TAFA2: variants seen among roughly 807,000 people sequenced by gnomAD.
TAFA2 encodes TAFA chemokine like family member 2.
Under a neutral mutation model 18.8 loss-of-function variants are expected in TAFA2, and 7 were observed. The ratio of observed to expected loss-of-function variants is 0.37; its 90% CI spans 0.21 to 0.70. The LOEUF is 0.70. Ranked by LOEUF, TAFA2 falls within the 30% of genes least tolerant of loss-of-function variation. The pLI, the probability that TAFA2 is intolerant of heterozygous loss-of-function variation, is 0.53. For missense variants in TAFA2, 122 were observed against 158.1 expected, an observed-to-expected ratio of 0.77 and a Z score of 1.23; for synonymous variants, 60 against 54.2, an observed-to-expected ratio of 1.11 and a Z score of -0.47.
At chr12:61,917,019 A>T (rs576130106) in intron 1 of TAFA2, among the ~76,000 whole-genome samples, 2 of 152,276 alleles carry the variant, frequency 1.3e-5, no homozygotes, top group South Asian at 4.1e-4. Flanking sequence ...GTAAGAACTC[A>T]TACACGGTAA....
At chr12:62,210,759 G>A (rs1301621508) in intron 1 of TAFA2, among the ~76,000 whole-genome samples, 1 of 152,082 alleles carries the variant, frequency 6.6e-6, no homozygotes, top group East Asian at 1.9e-4. Context: ...CAAAATGCTA[G>A]AAACAATCGA....
At chr12:62,085,587 G>C (rs1172922487) in intron 1 of TAFA2, among the ~76,000 whole-genome samples, 1 of 152,068 alleles carries the variant, frequency 6.6e-6, no homozygotes, top group South Asian at 2.1e-4. Flanking sequence ...ATTTTACTAT[G>C]TGCCAATCCC....
chr12:62,150,276 T>C (rs2062318388), intron 1 of TAFA2, among the ~76,000 whole-genome samples: 1 of 152,242 alleles, frequency 6.6e-6, no homozygotes, highest in African/African-American at 2.4e-5. Flanking sequence ...TTTCATGATC[T>C]TTCTGTATAT....
chr12:61,874,647 T>C (rs1874765367), intron 1 of TAFA2, among the ~76,000 whole-genome samples: 1 of 152,150 alleles, frequency 6.6e-6, no homozygotes, highest in Admixed American at 6.5e-5. Context: ...CAGATTGAAA[T>C]GATATGGAAT....
intron 1 of TAFA2, among the ~76,000 whole-genome samples, chr12:62,251,573 G>T (rs1211391494): frequency 1.3e-5 from 2 of 152,158 alleles, no homozygotes. Context: ...AAAATAGCCT[G>T]TAAAGAAGTG....
chr12:62,102,527 T>C (rs1869256029), intron 1 of TAFA2, among the ~76,000 whole-genome samples: 1 of 152,196 alleles, frequency 6.6e-6, no homozygotes, highest in South Asian at 2.1e-4. Flanking sequence ...CATAGCAACA[T>C]AGAAATCTTT....
In TAFA2 at chr12:62,216,732, G is replaced by A. The variant is rs148508910; in HGVS notation, c.-130+42031C>T. ...TTGAATTCACTTGAAACAGATAGGT[G>A]TATATGTTTACAGTCTTACCCAAAG... On this transcript the variant is annotated intron_variant, in intron 1 of 5. Coordinates refer to the TAFA2 transcript ENST00000551619. 4.3e-3 allele frequency among the ~76,000 whole-genome samples: 661 copies of A among 152,344 alleles called. 3 individuals carry two copies. Among genetic ancestry groups the A allele is most frequent in the Admixed American group, 8.0e-3 (122 of 15,312 alleles).
intron 1 of TAFA2, among the ~76,000 whole-genome samples, chr12:62,112,690 C>A (rs1318177304): frequency 1.3e-5 from 2 of 151,930 alleles, no homozygotes; most frequent in Admixed American, 1.3e-4. Flanking sequence ...CCTTTTCATT[C>A]TTTTTTCTCT....
chr12:62,245,686 A>G (rs2062881870), intron 1 of TAFA2, among the ~76,000 whole-genome samples: 1 of 147,536 alleles, frequency 6.8e-6, no homozygotes, highest in African/African-American at 2.5e-5. Flanking sequence ...TAAATATATA[A>G]AAATGTAATT....
At chr12:61,773,454 CTA>C (rs1870118453) in intron 2 of TAFA2, among the ~76,000 whole-genome samples, 2 of 152,050 alleles carry the variant, frequency 1.3e-5, no homozygotes, top group Admixed American at 1.3e-4. Context: ...CAACTTCAAA[CTA>C]TACTATAAGG....
chr12:61,871,016 G>T (rs1343342123), intron 1 of TAFA2, among the ~76,000 whole-genome samples: 3 of 152,146 alleles, frequency 2.0e-5, no homozygotes, highest in Admixed American at 1.3e-4. Context: ...AATGTTGGTG[G>T]TGCCTTACAG....
chr12:61,916,946 T>G (rs140403539), intron 1 of TAFA2, among the ~76,000 whole-genome samples: 104 of 152,376 alleles, frequency 6.8e-4, no homozygotes, highest in African/African-American at 2.4e-3. Flanking sequence ...ACATTAACTA[T>G]GATAAGTTCA....
At chr12:62,043,280 G>C (rs909936853) in intron 1 of TAFA2, among the ~76,000 whole-genome samples, 4 of 152,144 alleles carry the variant, frequency 2.6e-5, no homozygotes, top group Non-Finnish European at 5.9e-5. Flanking sequence ...ATACTATGCA[G>C]CCATAAAAAA....
intron 1 of TAFA2, among the ~76,000 whole-genome samples, chr12:62,074,437 A>C (rs900610451): frequency 6.6e-6 from 1 of 152,240 alleles, no homozygotes; most frequent in African/African-American, 2.4e-5. Context: ...GACATGTCTT[A>C]TGAGCTAATT....
intron 1 of TAFA2, among the ~76,000 whole-genome samples, chr12:61,906,644 G>A (rs1007304017): frequency 4.6e-5 from 7 of 151,918 alleles, no homozygotes; most frequent in African/African-American, 1.7e-4. Context: ...TGGGTAACAG[G>A]CAGAGGTTTG....
intron 1 of TAFA2, among the ~76,000 whole-genome samples, chr12:61,969,140 ACT>A (rs1314598379): frequency 6.6e-6 from 1 of 151,734 alleles, no homozygotes; most frequent in Non-Finnish European, 1.5e-5. Context: ...ACATTGGAGC[ACT>A]CTAGTGTTTC....
Position 61,768,649 on chromosome 12 carries a change from G to A in TAFA2, c.107-13625C>T, listed in dbSNP as rs1869892038. ...GAGCAAAGTGAAATATAAGAGTAGA[G>A]GAAGCAGCTGGAAGAGTGCTGTGGG... On this transcript the variant is annotated intron_variant, in intron 2 of 4. Coordinates refer to ENST00000416284, the MANE Select transcript of TAFA2 (RefSeq NM_178539.5). Among the ~76,000 whole-genome samples, 5 of 152,214 alleles carry A rather than the reference G, an allele frequency of 3.3e-5. No individual in the cohort carries two copies. The South Asian group carries it at 1.0e-3, about 32-fold the overall frequency.
At chr12:61,960,343 C>T (rs1878839921) in intron 1 of TAFA2, among the ~76,000 whole-genome samples, 1 of 151,950 alleles carries the variant, frequency 6.6e-6, no homozygotes, top group Admixed American at 6.6e-5. Flanking sequence ...ATCACAATAA[C>T]CCATTACATT....
chr12:62,250,622 T>C (rs2062908544), intron 1 of TAFA2, among the ~76,000 whole-genome samples: 1 of 152,188 alleles, frequency 6.6e-6, no homozygotes, highest in Non-Finnish European at 1.5e-5. Context: ...GAATATTGCC[T>C]GTTTATTTTT....
Sources: allele counts gnomAD v4.1 joint callset (sites outside exome capture counted in the v4.1 genomes callset), GRCh38; gene constraint gnomAD v4.1.1; transcripts MANE v1.5; gene names NCBI Gene and HGNC (gene_info 2026-07-23, HGNC 2026-07-21).